Variants in RAPGEF4 observed in about 807,000 individuals in gnomAD.
RAPGEF4 encodes the protein RAP guanine-nucleotide-exchange factor (GEF) 4.
A neutral mutation model predicts 147.9 loss-of-function variants in RAPGEF4; 66 were observed. The ratio of observed to expected loss-of-function variants is 0.45; its 90% CI spans 0.37 to 0.55. The LOEUF (loss-of-function observed/expected upper bound fraction) is 0.55, where lower values mean the gene tolerates loss of function less well. Among genes scored for constraint, RAPGEF4 ranks in the 20% least tolerant of loss-of-function variants. RAPGEF4 has a pLI of 0.00. For missense variants in RAPGEF4, 1,071 were observed against 1,257.3 expected, an observed-to-expected ratio of 0.85 and a Z score of 2.24; for synonymous variants, 419 against 442.7, an observed-to-expected ratio of 0.95 and a Z score of 0.67.
At chr2:172,925,777 A>AAAAGAGAGAGAGAG (rs1486298673) in intron 6 of RAPGEF4, among the ~76,000 whole-genome samples, 1 of 133,804 alleles carries the variant, frequency 7.5e-6, no homozygotes, top group Non-Finnish European at 1.6e-5. Context: ...GAAAGAAAGA[A>AAAAGAGAGAGAGAG]AGAGAGAGAG....
At chr2:173,013,896 C>T (rs1208444146) in intron 17 of RAPGEF4, among the ~76,000 whole-genome samples, 1 of 152,178 alleles carries the variant, frequency 6.6e-6, no homozygotes, top group Non-Finnish European at 1.5e-5. Flanking sequence ...AGAATTGGTA[C>T]AGCAGGAGCC....
chr2:172,952,765 C>T (rs532171675), intron 6 of RAPGEF4, among the ~76,000 whole-genome samples: 1 of 152,206 alleles, frequency 6.6e-6, no homozygotes, highest in African/African-American at 2.4e-5. Flanking sequence ...TATAGATATA[C>T]CTCCTAGAAA....
chr2:173,043,135 G>A (rs1354613840), intron 29 of RAPGEF4, among the ~76,000 whole-genome samples: 1 of 152,194 alleles, frequency 6.6e-6, no homozygotes, highest in Admixed American at 6.5e-5. Context: ...TCCCAAATAT[G>A]TGGAGGTCTG....
chr2:172,848,009 A>G (rs1345720329), intron 4 of RAPGEF4, among the ~76,000 whole-genome samples: 1 of 151,782 alleles, frequency 6.6e-6, no homozygotes, highest in Admixed American at 6.6e-5. Context: ...TTACAGAAGG[A>G]CTCTTAATCT....
intron 4 of RAPGEF4, among the ~76,000 whole-genome samples, chr2:172,856,003 C>T (rs886401070): frequency 7.9e-5 from 12 of 151,814 alleles, no homozygotes; most frequent in African/African-American, 2.4e-4. Flanking sequence ...AAGTTTATAT[C>T]GTTTTTTAAC....
chr2:173,047,363 T>A (rs1281523033), intron 29 of RAPGEF4, among the ~76,000 whole-genome samples: 2 of 152,234 alleles, frequency 1.3e-5, no homozygotes, highest in African/African-American at 4.8e-5. Context: ...ACAAAGAAGT[T>A]AAGATGATCA....
intron 1 of RAPGEF4, among the ~76,000 whole-genome samples, chr2:172,758,910 G>A (rs190703636): frequency 7.7e-4 from 117 of 152,306 alleles, no homozygotes; most frequent in Non-Finnish European, 1.5e-3. Context: ...TTAAAGCCAT[G>A]AGATGGGAGA....
intron 3 of RAPGEF4, among the ~76,000 whole-genome samples, chr2:172,811,783 T>G (rs2149596564): frequency 6.6e-6 from 1 of 152,310 alleles, no homozygotes; most frequent in East Asian, 1.9e-4. Context: ...TTAATCTACC[T>G]TTCATCATAC....
intron 6 of RAPGEF4, among the ~76,000 whole-genome samples, chr2:172,925,952 G>T: frequency 7.9e-6 from 1 of 127,112 alleles, no homozygotes; most frequent in East Asian, 2.6e-4. Flanking sequence ...GAAGGAAGGA[G>T]GGGGAGGGGG....
chr2:172,820,634 T>C (rs1688973614), intron 4 of RAPGEF4, among the ~76,000 whole-genome samples: 1 of 152,222 alleles, frequency 6.6e-6, no homozygotes, highest in Non-Finnish European at 1.5e-5. Context: ...TAAACATTGT[T>C]AACTGACTGA....
At chr2:173,001,162 A>C (rs1693879107) in intron 16 of RAPGEF4, 104 bp from the exon 17 acceptor site, 3 of 1,517,450 alleles carry the variant, frequency 2.0e-6, no homozygotes, top group African/African-American at 1.4e-5. Context: ...GCCCCAAACC[A>C]ATGTGTTAGA....
intron 4 of RAPGEF4, among the ~76,000 whole-genome samples, chr2:172,823,467 G>C (rs2258081): frequency 0.85 from 128,932 of 152,244 alleles, 54,986 homozygotes; most frequent in East Asian, 0.97. Context: ...CCAGGCAAAG[G>C]CAGTTCTAGT....
chr2:172,888,258 T>C (rs1020800473), intron 4 of RAPGEF4, among the ~76,000 whole-genome samples: 26 of 152,250 alleles, frequency 1.7e-4, no homozygotes, highest in Non-Finnish European at 1.3e-4. Flanking sequence ...ACTTTTTCCC[T>C]GTTCTTTCAC....
intron 1 of RAPGEF4, among the ~76,000 whole-genome samples, chr2:172,739,143 A>G (rs923022291): frequency 6.6e-6 from 1 of 152,156 alleles, no homozygotes; most frequent in South Asian, 2.1e-4. Context: ...AACCAGAAAG[A>G]CAGGACATTG....
intron 1 of RAPGEF4, among the ~76,000 whole-genome samples, chr2:172,770,638 C>A (rs892487165): frequency 2.0e-5 from 3 of 152,136 alleles, no homozygotes; most frequent in Admixed American, 2.0e-4. Context: ...TCACATTGCA[C>A]CCACAGCATG....
intron 25 of RAPGEF4, among the ~76,000 whole-genome samples, chr2:173,027,538 T>G (rs1696779659): frequency 6.6e-6 from 1 of 152,352 alleles, no homozygotes; most frequent in South Asian, 2.1e-4. Flanking sequence ...TTTGCCTCCT[T>G]TAGTTTAAAA....
At chr2:173,030,724 G>A (rs1697114591) in intron 26 of RAPGEF4, among the ~76,000 whole-genome samples, 1 of 152,192 alleles carries the variant, frequency 6.6e-6, no homozygotes, top group South Asian at 2.1e-4. Context: ...GTTTGCAGCA[G>A]TTGAGTACTA....
At chr2:172,928,550 T>A (rs1685605457) in intron 6 of RAPGEF4, among the ~76,000 whole-genome samples, 1 of 152,218 alleles carries the variant, frequency 6.6e-6, no homozygotes, top group Admixed American at 6.5e-5. Flanking sequence ...GGGGTGATGA[T>A]TCATTGCTAT....
chr2:172,877,993 G>T (rs994198504), intron 4 of RAPGEF4, among the ~76,000 whole-genome samples: 1 of 152,178 alleles, frequency 6.6e-6, no homozygotes, highest in African/African-American at 2.4e-5. Context: ...CTTTGTCTGT[G>T]ACCCCTCCGT....
Sources: allele counts gnomAD v4.1 joint callset (sites outside exome capture counted in the v4.1 genomes callset), GRCh38; gene constraint gnomAD v4.1.1; transcripts MANE v1.5; gene names NCBI Gene and HGNC (gene_info 2026-07-23, HGNC 2026-07-21).